The following CCDC30 variants were observed in gnomAD, a reference collection of about 807,000 sequenced individuals.
The protein encoded by CCDC30 is coiled-coil domain-containing protein 30.
In CCDC30, 70 loss-of-function variants were observed where a neutral mutation model predicts 100.2. The observed-to-expected ratio is 0.70, with a 90% CI of 0.58 to 0.85. The LOEUF (loss-of-function observed/expected upper bound fraction) is 0.85. CCDC30 is among the 40% of genes least tolerant of loss of function. CCDC30 has a pLI of 0.00. For missense variants in CCDC30, 652 were observed against 771.2 expected (o/e 0.85, Z 1.83); for synonymous variants, 233 against 269.5 (o/e 0.86, Z 1.33).
At chr1:42,648,276 A>C (rs1648053231) in intron 15 of CCDC30, among the ~76,000 whole-genome samples, 2 of 152,162 alleles carry the variant, frequency 1.3e-5, no homozygotes, top group African/African-American at 4.8e-5. Flanking sequence ...CACCTATATC[A>C]AAAAAGTGGA....
chr1:42,596,463 G>A lies in CCDC30; in HGVS notation c.1164+6980G>A, dbSNP rs191944732. The stretch of plus-strand genomic sequence containing the variant: ...TTTGTCAGAGTCTAACAGACCTAGC[G>A]GAATAGAAATATCCAACTCCAGCCA... On this transcript the variant is annotated intron_variant, in intron 10 of 16. Transcript: ENST00000668663. This position sits in a 1 kb window ranked among gnomAD's most constrained non-coding sequence, Gnocchi z 4.3. 4.2e-3 allele frequency among the ~76,000 whole-genome samples: 639 copies of A among 152,094 alleles called. 5 individuals are homozygous for A. The highest frequency in any genetic ancestry group is 5.8e-3 in the Non-Finnish European group (395 of 67,974).
intron 11 of CCDC30, among the ~76,000 whole-genome samples, chr1:42,636,228 G>A (rs947458204): frequency 3.3e-5 from 5 of 151,984 alleles, no homozygotes; most frequent in Non-Finnish European, 7.4e-5. Flanking sequence ...GACCTGCCTG[G>A]GCAACATGTG....
chr1:42,518,416 C>T (rs1457344310), intron 6 of CCDC30, among the ~76,000 whole-genome samples: 3 of 152,072 alleles, frequency 2.0e-5, no homozygotes, highest in African/African-American at 4.8e-5. Context: ...ACAGAGATAT[C>T]GTTATGCAGC....
chr1:42,504,292 A>G (rs1458928157), intron 6 of CCDC30, among the ~76,000 whole-genome samples: 1 of 152,264 alleles, frequency 6.6e-6, no homozygotes, highest in East Asian at 1.9e-4. Context: ...CATTATGGCC[A>G]TGATGAACAT....
chr1:42,634,051 G>T (rs1647094788), intron 11 of CCDC30, among the ~76,000 whole-genome samples: 1 of 152,004 alleles, frequency 6.6e-6, no homozygotes, highest in African/African-American at 2.4e-5. Context: ...CCGCCCCCAT[G>T]ATTCAATTAC....
At chr1:42,557,923 G>T (rs572618168) in intron 6 of CCDC30, among the ~76,000 whole-genome samples, 3 of 152,010 alleles carry the variant, frequency 2.0e-5, no homozygotes, top group African/African-American at 7.2e-5. Flanking sequence ...TAATAGATCT[G>T]TTGACTGAGA....
intron 12 of CCDC30, among the ~76,000 whole-genome samples, chr1:42,642,125 C>G (rs1219677646): frequency 1.3e-5 from 2 of 151,982 alleles, no homozygotes; most frequent in African/African-American, 4.8e-5. Context: ...ACTTGGGAGG[C>G]TGAGGCAGGA....
chr1:42,507,244 C>T (rs1458133810), intron 6 of CCDC30, among the ~76,000 whole-genome samples: 1 of 152,112 alleles, frequency 6.6e-6, no homozygotes, highest in Admixed American at 6.6e-5. Flanking sequence ...TTTAATGAAA[C>T]CTCATAGACA....
chr1:42,644,922 A>G (rs1401775150), intron 14 of CCDC30, 115 bp downstream of exon 18: 1 of 673,260 alleles, frequency 1.5e-6, no homozygotes, highest in Non-Finnish European at 2.6e-6. Context: ...TCTTGGCCTC[A>G]TGGTAGGCTG....
At chr1:42,554,832 G>A (rs1645335455) in intron 6 of CCDC30, among the ~76,000 whole-genome samples, 1 of 151,886 alleles carries the variant, frequency 6.6e-6, no homozygotes, top group African/African-American at 2.4e-5. Context: ...TTAGGCTTCT[G>A]TCTAGGATGA....
intron 6 of CCDC30, among the ~76,000 whole-genome samples, chr1:42,564,788 T>C (rs1244450440): frequency 6.6e-6 from 1 of 152,160 alleles, no homozygotes; most frequent in Non-Finnish European, 1.5e-5. Flanking sequence ...ATCCTGTCTA[T>C]CTGAAACTTT....
chr1:42,458,424 T>C (rs932237631), upstream of CCDC30, among the ~76,000 whole-genome samples: 3 of 152,310 alleles, frequency 2.0e-5, no homozygotes, highest in South Asian at 2.1e-4. Flanking sequence ...GAAACTCTTA[T>C]CTGTGGGGCA....
At chr1:42,572,217 G>A (rs1466031991) in intron 7 of CCDC30, among the ~76,000 whole-genome samples, 1 of 152,132 alleles carries the variant, frequency 6.6e-6, no homozygotes, top group Non-Finnish European at 1.5e-5. Context: ...TAGTATACGT[G>A]TATAGCAGTA....
At chr1:42,456,215 A>G in the CCDC30 span, 2 of 615,404 alleles carry the variant, frequency 3.2e-6, no homozygotes, top group African/African-American at 3.7e-5. Context: ...CCACGGGTCA[A>G]ATGGCCGAGA....
intron 6 of CCDC30, chr1:42,539,310 G>A (rs1261091433): frequency 6.3e-7 from 1 of 1,593,436 alleles, no homozygotes; most frequent in South Asian, 1.2e-5. Flanking sequence ...TAGAAACAAA[G>A]GTGAGACTGA....
Position 42,573,268 on chromosome 1 carries a change from A to C in CCDC30, c.637-3752A>C, listed in dbSNP as rs72957996. Among the ~76,000 whole-genome samples the C allele has an allele frequency of 6.0e-3, 914 of 152,278 alleles. 12 individuals carry two copies. Among genetic ancestry groups the C allele is most frequent in the African/African-American group, 0.021 (882 of 41,558 alleles). ...AAATCTTTGCAATATTGAATCCTCT[A>C]ATTTAAGAAGAGAGTATGTGTATTT... On this transcript the variant is annotated intron_variant, in intron 7 of 16. Coordinates refer to ENST00000668663, the Ensembl canonical transcript of CCDC30.
At chr1:42,488,620 T>A (rs1383501711) in intron 3 of CCDC30, among the ~76,000 whole-genome samples, 4 of 152,144 alleles carry the variant, frequency 2.6e-5, no homozygotes, top group African/African-American at 4.8e-5. Flanking sequence ...AAAGCTACAG[T>A]TTTCAAGTAT....
intron 9 of CCDC30, among the ~76,000 whole-genome samples, chr1:42,588,525 G>A (rs1185176120): frequency 1.3e-5 from 2 of 152,158 alleles, no homozygotes; most frequent in Non-Finnish European, 2.9e-5. Context: ...ACTCATTAGG[G>A]AGAGTGAAGG....
At chr1:42,605,201 T>G (rs1203695029) in intron 10 of CCDC30, among the ~76,000 whole-genome samples, 2 of 152,204 alleles carry the variant, frequency 1.3e-5, no homozygotes, top group African/African-American at 4.8e-5. Context: ...CATTTCAGTG[T>G]TGGCACCTCC....
Sources: gnomAD v4.1 joint callset for allele counts (sites outside exome capture counted in the v4.1 genomes callset) on GRCh38, gnomAD v4.1.1 for gene constraint, Gnocchi (gnomAD v3.1) non-coding constraint, MANE v1.5 for transcripts, NCBI Gene and HGNC (gene_info 2026-07-23, HGNC 2026-07-21) for gene names.